Variants in ACTG2 observed in about 807,000 individuals in gnomAD.
ACTG2 encodes the protein actin gamma 2, smooth muscle.
Under a neutral mutation model 37.6 loss-of-function variants are expected in ACTG2, and 16 were observed. The ratio of observed to expected loss-of-function variants is 0.43; its 90% confidence interval spans 0.29 to 0.65. ACTG2 has a LOEUF of 0.65. Ranked by LOEUF, ACTG2 falls within the 30% of genes least tolerant of loss-of-function variation. The pLI is 0.18. For synonymous variants in ACTG2, 181 were observed against 179.9 expected (o/e 1.01, Z -0.05); for missense variants, 238 against 490.9 (o/e 0.48, Z 4.87).
chr2:73,898,495 G>A (rs1341480369), intron 1 of ACTG2, among the ~76,000 whole-genome samples: 1 of 150,358 alleles, frequency 6.7e-6, no homozygotes, highest in Non-Finnish European at 1.5e-5. Flanking sequence ...TTTAAACAAA[G>A]GTGTGAAAAC....
At chr2:73,917,087 G>A (rs1680286413) in intron 8 of ACTG2, among the ~76,000 whole-genome samples, 1 of 152,026 alleles carries the variant, frequency 6.6e-6, no homozygotes, top group African/African-American at 2.4e-5. Context: ...CAAGGTGGGA[G>A]GATCACTTGA....
At chr2:73,898,597 A>G (rs1679804004) in intron 1 of ACTG2, among the ~76,000 whole-genome samples, 1 of 151,092 alleles carries the variant, frequency 6.6e-6, no homozygotes, top group African/African-American at 2.5e-5. Context: ...AAGTAGTACA[A>G]TTTAACACTC....
intron 3 of ACTG2, among the ~76,000 whole-genome samples, chr2:73,904,777 G>GTGTGTGTATGTATATATATATATA (rs1427483105): frequency 7.0e-5 from 3 of 42,608 alleles, no homozygotes; most frequent in Admixed American, 3.4e-4. Flanking sequence ...GTGTGTGTGT[G>GTGTGTGTATGTATATATATATATA]TATATATATA....
intron 2 of ACTG2, 95 bp downstream of exon 2, chr2:73,901,532 A>ATG (rs58042852): frequency 0.017 from 19,481 of 1,140,024 alleles, 192 homozygotes; most frequent in East Asian, 0.055. Context: ...GGGGAAGGAA[A>ATG]TGTGTGTGTG....
chr2:73,898,761 G>A (rs899462861), intron 1 of ACTG2, among the ~76,000 whole-genome samples: 1 of 150,774 alleles, frequency 6.6e-6, no homozygotes, highest in Non-Finnish European at 1.5e-5. Context: ...CCTGCTCACA[G>A]ATGCTAAACA....
At chr2:73,901,060 G>A (rs1679860883) in intron 1 of ACTG2, among the ~76,000 whole-genome samples, 1 of 152,180 alleles carries the variant, frequency 6.6e-6, no homozygotes, top group Non-Finnish European at 1.5e-5. Flanking sequence ...TGTACTGGGG[G>A]TTAGGACTTC....
intron 3 of ACTG2, chr2:73,908,375 A>T (rs768386755): frequency 4.6e-5 from 24 of 519,772 alleles, no homozygotes; most frequent in African/African-American, 4.2e-4. Context: ...GCCTTGCATC[A>T]CTCAGTGCAC....
At chr2:73,897,096 G>C (rs964605440) in intron 1 of ACTG2, 1 of 152,164 alleles carries the variant, frequency 6.6e-6, no homozygotes, top group Non-Finnish European at 1.5e-5. Context: ...CCCTCACTTC[G>C]GTTGAGTTTT....
rs781084881 is a variant in ACTG2 at position 73,914,870 on chromosome 2, T to C, written c.804T>C (p.Ile268=). 11 of 1,576,080 alleles carry C rather than the reference T, an allele frequency of 7.0e-6. No individual in the cohort carries two copies. Among genetic ancestry groups the C allele is most frequent in the African/African-American group, 1.4e-5 (1 of 73,916 alleles). ...CPETLFQPSF[I]GMESAGIHET... is the part of the protein sequence containing the mutation. ...AGACCCTCTTCCAGCCTTCCTTTAT[T>C]GGTGAGGTGCTGCCCACAGTCCCTG... Residue 268 remains isoleucine, a splice_region_variant and synonymous_variant, in exon 7 of 9, where the codon ATT becomes ATC. Coordinates refer to ENST00000345517, the MANE Select transcript of ACTG2 (RefSeq NM_001615.4).
At chr2:73,913,382 A>AGTTAATAAGGAAAATACCATAAT in intron 5 of ACTG2, 103 bp from the exon 6 acceptor site, 3 of 1,099,090 alleles carry the variant, frequency 2.7e-6, no homozygotes, top group Non-Finnish European at 3.7e-6. Context: ...CTTAACTGGT[A>AGTTAATAAGGAAAATACCATAAT]AAGGAAAATA....
intron 1 of ACTG2, among the ~76,000 whole-genome samples, chr2:73,895,379 G>A (rs2104798766): frequency 6.6e-6 from 1 of 152,324 alleles, no homozygotes; most frequent in South Asian, 2.1e-4. Context: ...TTGAACTCAT[G>A]TATATATAGA....
In ACTG2 at chr2:73,919,435, A is replaced by T. The variant is rs1384673061; in HGVS notation, c.991A>T (p.Ile331Phe). The change falls in exon 9 of 9, where the codon ATT becomes TTT. Residue 331 changes from isoleucine to phenylalanine, a missense_variant. Coordinates refer to ENST00000345517, the MANE Select transcript of ACTG2 (RefSeq NM_001615.4). ...TCACCACATTTGTTCTTTGCAGATT[A>T]TTGCTCCCCCAGAGCGGAAGTACTC... ...LAPSTMKIKI[I>F]APPERKYSVW... 1.2e-6 allele frequency: 2 copies of T among 1,613,198 alleles called. No homozygotes were observed. Among genetic ancestry groups the T allele is most frequent in the Non-Finnish European group, 8.5e-7 (1 of 1,179,946 alleles).
intron 1 of ACTG2, among the ~76,000 whole-genome samples, chr2:73,899,063 G>A (rs982910627): frequency 6.6e-6 from 1 of 151,984 alleles, no homozygotes; most frequent in Admixed American, 6.5e-5. Flanking sequence ...GCCCACCTTG[G>A]CCTCCCAAAG....
At chr2:73,917,241 A>T (rs1680289453) in intron 8 of ACTG2, among the ~76,000 whole-genome samples, 1 of 152,214 alleles carries the variant, frequency 6.6e-6, no homozygotes, top group Admixed American at 6.5e-5. Flanking sequence ...GGAAATCAGG[A>T]GATGGGAAAT....
chr2:73,896,760 A>C (rs1416664769), intron 1 of ACTG2: 1 of 152,196 alleles, frequency 6.6e-6, no homozygotes, highest in Non-Finnish European at 1.5e-5. Context: ...AGGGGAATAA[A>C]AGCTTCATTC....
At chr2:73,912,323 A>C (rs1292584038) in intron 5 of ACTG2, among the ~76,000 whole-genome samples, 1 of 152,038 alleles carries the variant, frequency 6.6e-6, no homozygotes, top group African/African-American at 2.4e-5. Flanking sequence ...GCACCCGGCT[A>C]ATTTTTGTAT....
chr2:73,901,225 A>T, intron 1 of ACTG2, 51 bp from the exon 2 acceptor site: 1 of 1,405,128 alleles, frequency 7.1e-7, no homozygotes, highest in Non-Finnish European at 9.5e-7. Flanking sequence ...AACTGTCTCC[A>T]AACTGATTTG....
Position 73,909,159 on chromosome 2 carries a change from A to G in ACTG2, c.451+20A>G, listed in dbSNP as rs1433824050. The G allele has an allele frequency of 1.9e-6, 3 of 1,600,650 alleles. No individual in the cohort carries two copies. The highest frequency in any genetic ancestry group is 1.1e-5 in the South Asian group (1 of 90,806). ...CGACAGGTGAGTAATCCTGTAATCC[A>G]TTCCTTTTCTGACTTCAGGGGAGGT... On this transcript the variant is annotated intron_variant, in intron 5 of 8. Coordinates refer to ENST00000345517, the MANE Select transcript of ACTG2 (RefSeq NM_001615.4).
intron 1 of ACTG2, among the ~76,000 whole-genome samples, chr2:73,897,938 A>G (rs1679785055): frequency 6.6e-6 from 1 of 152,248 alleles, no homozygotes; most frequent in Non-Finnish European, 1.5e-5. Flanking sequence ...CTGCTGTTAA[A>G]ATTGGTAACT....
Sources: gnomAD v4.1 joint callset for allele counts (sites outside exome capture counted in the v4.1 genomes callset) on GRCh38, gnomAD v4.1.1 for gene constraint, MANE v1.5 for transcripts, NCBI Gene and HGNC (gene_info 2026-07-23, HGNC 2026-07-21) for gene names.